DCHS2: variants seen among roughly 807,000 people sequenced by gnomAD.
The protein encoded by DCHS2 is protocadherin-23.
Under a neutral mutation model 182.4 loss-of-function variants are expected in DCHS2, and 142 were observed. The ratio of observed to expected loss-of-function variants is 0.78; its 90% CI spans 0.68 to 0.89. The LOEUF (loss-of-function observed/expected upper bound fraction) is 0.89. Ranked by LOEUF, DCHS2 falls within the 40% of genes least tolerant of loss-of-function variation. DCHS2 has a pLI of 0.00. For missense variants in DCHS2, 4,319 were observed against 4,198.6 expected (o/e 1.03, Z -0.79); for synonymous variants, 1,740 against 1,663.3 (o/e 1.05, Z -1.12).
rs573553369 is a variant in DCHS2, at chr4:154,489,005, C to T, written c.2052+299G>A. ...AGGTCTGATTTAGAATGGGCAGTTC[C>T]TCCTGAACCTATTTAGGTGCATACA... On this transcript the variant is annotated intron_variant, in intron 1 of 19. Transcript: ENST00000357232. 1.5e-3 allele frequency among the ~76,000 whole-genome samples: 224 copies of T among 151,992 alleles called. 4 individuals are homozygous for T. In the South Asian group the frequency reaches 0.045, roughly 30 times the overall value.
intron 2 of DCHS2, among the ~76,000 whole-genome samples, chr4:154,376,878 T>C (rs1407538033): frequency 6.6e-6 from 1 of 152,170 alleles, no homozygotes; most frequent in African/African-American, 2.4e-5. Flanking sequence ...CTGTTACAGA[T>C]GGAAACTTAA....
Position 154,315,983 on chromosome 4 carries a change from T to C in DCHS2, c.5025A>G (p.Leu1675=). ...AATCCAAAGGACAGGTTGTGGTTAG[T>C]AAGCCTGTTTTGAAAATGGAAGAAA... is the stretch of plus-strand genomic sequence containing the variant. ...MTFMLDESSG[L]LTTTCPLDYE... is the part of the protein sequence containing the mutation. Residue 1675 remains leucine (L), a synonymous_variant, in exon 10 of 20, where the codon TTA becomes TTG. Coordinates refer to ENST00000357232, the MANE Select transcript of DCHS2 (RefSeq NM_001358235.2). 2.5e-6 allele frequency: 4 copies of C among 1,613,198 alleles called. No homozygotes were observed. The highest frequency in any genetic ancestry group is 1.7e-5 in the Admixed American group (1 of 59,976).
In DCHS2 at chr4:154,329,573, TATC is replaced by T; in HGVS notation, c.3865_3867del (p.Asp1289del). 1.2e-6 allele frequency: 2 copies of T among 1,613,712 alleles called. No individual in the cohort carries two copies. Among genetic ancestry groups the T allele is most frequent in the Non-Finnish European group, 1.7e-6 (2 of 1,179,928 alleles). On this transcript the variant is annotated inframe_deletion, in exon 6 of 20. Coordinates refer to ENST00000357232, the MANE Select transcript of DCHS2 (RefSeq NM_001358235.2). ...AGACACTGGGGGAAGAAGGGCCTGT[TATC>T]ATTGATGTCAGTAACTGAGACGTAA...
At chr4:154,376,537 A>G (rs1208923822) in intron 2 of DCHS2, among the ~76,000 whole-genome samples, 1 of 152,212 alleles carries the variant, frequency 6.6e-6, no homozygotes, top group African/African-American at 2.4e-5. Flanking sequence ...GTAATCAAAT[A>G]GTTGTTGTGA....
In DCHS2 at chr4:154,489,442, G is replaced by T. The variant is rs1424085627; in HGVS notation, c.1914C>A (p.Leu638=). The change falls in exon 1 of 20, where the codon CTC becomes CTA. Residue 638 remains leucine, a synonymous_variant. Transcript: ENST00000357232. Reference sequence around the variant, plus strand: ...AGGTGGCAGAGAGTGGGGGCTCTCCGAGGTCCTGGGCCACCACTTTCAGCT... The same window carrying T: ...AGGTGGCAGAGAGTGGGGGCTCTCCTAGGTCCTGGGCCACCACTTTCAGCT... ...AVELKVVAQD[L]GEPPLSATCL... 6.4e-7 allele frequency: 1 copy of T among 1,551,760 alleles called. No individual in the cohort carries two copies. The highest frequency in any genetic ancestry group is 1.4e-5 in the African/African-American group (1 of 73,182).
chr4:154,338,726 A>G (rs945467794), intron 3 of DCHS2, among the ~76,000 whole-genome samples: 1 of 152,224 alleles, frequency 6.6e-6, no homozygotes, highest in Non-Finnish European at 1.5e-5. Flanking sequence ...TGGTATATCA[A>G]TACAATAGAA....
In DCHS2 at chr4:154,377,143, C is replaced by G. The variant is rs1730938653; in HGVS notation, c.2244+110G>C. 2.9e-6 allele frequency: 3 copies of G among 1,034,120 alleles called. No individual in the cohort carries two copies. The Admixed American group carries it at 7.9e-5, about 27-fold the overall frequency. The allele number at this position is 1,034,120 out of a possible 1,614,324, so 64.1% of individuals were successfully genotyped here. On this transcript the variant is annotated intron_variant, in intron 2 of 19. Transcript: ENST00000357232. The stretch of plus-strand genomic sequence containing the variant: ...CTTCAGCAAAGGAAAGAGGTAGTGA[C>G]ACATGAAACAGAATGACCCAATTGT...
In DCHS2 at chr4:154,304,824, C is replaced by T; in HGVS notation, c.5450G>A (p.Cys1817Tyr). The change falls in exon 12 of 20, where the codon TGC becomes TAC. Residue 1817 changes from cysteine (C) to tyrosine (Y), a missense_variant. Physicochemically the swap from Cys to Tyr is radical, Grantham distance 194. Transcript: ENST00000357232. ...PSLSSTTTIL[C>Y]TVEDENDHAP... Reference sequence around the variant, plus strand: ...GTGATCGTTTTCATCTTCAACAGTGCAGAGGATTGTTGTGGTGCTGGACAA... The same window carrying T: ...GTGATCGTTTTCATCTTCAACAGTGTAGAGGATTGTTGTGGTGCTGGACAA... 6 of 1,613,772 alleles carry T rather than the reference C, an allele frequency of 3.7e-6. No individual in the cohort carries two copies. Among genetic ancestry groups the T allele is most frequent in the Non-Finnish European group, 5.1e-6 (6 of 1,179,886 alleles).
rs1578836435 is a variant in DCHS2, at chr4:154,237,131, T to C, written c.7521A>G (p.Leu2507=). The C allele has an allele frequency of 6.2e-7, 1 of 1,612,874 alleles. No homozygotes were observed. The highest frequency in any genetic ancestry group is 2.2e-5 in the East Asian group (1 of 44,834). Reference sequence around the variant, plus strand: ...GAGTTGTTGATATTGTATCCAGAAGTAATACGGGACTGATAGTAAATATTG... The same window carrying C: ...GAGTTGTTGATATTGTATCCAGAAGCAATACGGGACTGATAGTAAATATTG... ...NGTIFTISPV[L]LLDTISTTQF... is the part of the protein sequence containing the mutation. The change falls in exon 20 of 20, where the codon TTA becomes TTG. Residue 2507 remains leucine, a synonymous_variant. Coordinates refer to ENST00000357232, the MANE Select transcript of DCHS2 (RefSeq NM_001358235.2).
At chr4:154,397,619 C>T (rs986790643) in intron 1 of DCHS2, among the ~76,000 whole-genome samples, 1 of 152,176 alleles carries the variant, frequency 6.6e-6, no homozygotes, top group Non-Finnish European at 1.5e-5. Flanking sequence ...TAGTGGGTAC[C>T]TTTTCCCTAC....
chr4:154,481,964 A>T (rs1173150783), intron 1 of DCHS2, among the ~76,000 whole-genome samples: 1 of 152,220 alleles, frequency 6.6e-6, no homozygotes, highest in Non-Finnish European at 1.5e-5. Flanking sequence ...CACACACTTC[A>T]TCAGTGGACT....
intron 9 of DCHS2, 106 bp downstream of exon 9, chr4:154,320,273 A>G: frequency 6.8e-7 from 1 of 1,478,094 alleles, no homozygotes; most frequent in Non-Finnish European, 9.0e-7. Context: ...CTCACAGTCA[A>G]CAACAATGTA....
chr4:154,307,930 C>T (rs914404462), intron 10 of DCHS2, among the ~76,000 whole-genome samples: 8 of 152,106 alleles, frequency 5.3e-5, no homozygotes, highest in Non-Finnish European at 1.0e-4. Context: ...CAACTGTACC[C>T]CTTACTCCCT....
intron 1 of DCHS2, among the ~76,000 whole-genome samples, chr4:154,417,020 G>T (rs563598026): frequency 6.6e-6 from 1 of 152,270 alleles, no homozygotes; most frequent in East Asian, 1.9e-4. Context: ...CGGACGCCAA[G>T]CGGCACTATT....
intron 1 of DCHS2, among the ~76,000 whole-genome samples, chr4:154,396,786 G>C (rs953561632): frequency 6.6e-6 from 1 of 151,990 alleles, no homozygotes; most frequent in Non-Finnish European, 1.5e-5. Flanking sequence ...TCATTTATTT[G>C]AATACAAAGG....
chr4:154,280,372 A>G (rs1561007884), intron 13 of DCHS2, among the ~76,000 whole-genome samples: 1 of 152,298 alleles, frequency 6.6e-6, no homozygotes, highest in East Asian at 1.9e-4. Flanking sequence ...AACTCATATT[A>G]TGAGGCCAGC....
intron 13 of DCHS2, among the ~76,000 whole-genome samples, chr4:154,273,114 A>G (rs1464262643): frequency 6.6e-6 from 1 of 152,162 alleles, no homozygotes; most frequent in African/African-American, 2.4e-5. Context: ...CCAGAGGAAA[A>G]GAAGTCATTA....
chr4:154,448,253 C>T (rs867442334), intron 1 of DCHS2, among the ~76,000 whole-genome samples: 2 of 152,180 alleles, frequency 1.3e-5, no homozygotes, highest in Non-Finnish European at 1.5e-5. Flanking sequence ...TAATCTGATG[C>T]AGGCCTATGA....
chr4:154,351,690 C>T (rs1578997679), intron 3 of DCHS2, among the ~76,000 whole-genome samples: 1 of 152,174 alleles, frequency 6.6e-6, no homozygotes, highest in Admixed American at 6.5e-5. Context: ...CACCTCAGAT[C>T]ATCAGGCATT....
Sources: gnomAD v4.1 joint callset for allele counts (sites outside exome capture counted in the v4.1 genomes callset) on GRCh38, gnomAD v4.1.1 for gene constraint, MANE v1.5 for transcripts, NCBI Gene and HGNC (gene_info 2026-07-23, HGNC 2026-07-21) for gene names.